The following SPTLC2 variants were observed in gnomAD, a reference collection of about 807,000 sequenced individuals.
SPTLC2 encodes the protein serine palmitoyltransferase 2.
SPTLC2 carries 21 observed loss-of-function variants against 62.0 expected under a neutral mutation model. The ratio of observed to expected loss-of-function variants is 0.34; its 90% CI spans 0.24 to 0.49. The LOEUF (loss-of-function observed/expected upper bound fraction) is 0.49. Ranked by LOEUF, SPTLC2 falls within the 20% of genes least tolerant of loss-of-function variation. SPTLC2 has a pLI of 0.99. For missense variants in SPTLC2, 511 were observed against 713.0 expected (o/e 0.72, Z 3.23); for synonymous variants, 261 against 261.8 (o/e 1.00, Z 0.03).
intron 9 of SPTLC2, among the ~76,000 whole-genome samples, chr14:77,539,027 ACTAC>A (rs2079485541): frequency 1.3e-5 from 2 of 152,034 alleles, no homozygotes; most frequent in South Asian, 4.1e-4. Context: ...GATGATGATA[ACTAC>A]CTACTAGATA....
At position 77,616,511 on chromosome 14, in the gene SPTLC2, C is replaced by T; in HGVS notation, c.69G>A (p.Gly23=). Residue 23 remains glycine (G), a synonymous_variant, in exon 1 of 12, where the codon GGG becomes GGA. Coordinates refer to ENST00000216484, the MANE Select transcript of SPTLC2 (RefSeq NM_004863.4). ...TCCTCACGTACCCGTTCCGTACTTC[C>T]CCGTTCGCCACGCAGCCATTCGCCC... ...TVRANGCVAN[G]EVRNGYVRSS... is the part of the protein sequence containing the mutation. 6.5e-7 allele frequency: 1 copy of T among 1,534,584 alleles called. No individual in the cohort carries two copies. Among genetic ancestry groups the T allele is most frequent in the South Asian group, 1.2e-5 (1 of 84,008 alleles).
At chr14:77,558,077 T>TC (rs1350015139) in intron 6 of SPTLC2, among the ~76,000 whole-genome samples, 1 of 150,702 alleles carries the variant, frequency 6.6e-6, no homozygotes, top group Non-Finnish European at 1.5e-5. Flanking sequence ...AGATGGAGTC[T>TC]CCCTCTGTCA....
At chr14:77,543,394 C>A (rs933964167) in intron 9 of SPTLC2, among the ~76,000 whole-genome samples, 1 of 152,066 alleles carries the variant, frequency 6.6e-6, no homozygotes, top group African/African-American at 2.4e-5. Context: ...AGATAAGGAA[C>A]GTAAACACTG....
At chr14:77,530,316 TAA>T (rs34614752) in intron 9 of SPTLC2, among the ~76,000 whole-genome samples, 15 of 148,738 alleles carry the variant, frequency 1.0e-4, no homozygotes, top group South Asian at 6.3e-4. Flanking sequence ...GGATCTTTTT[TAA>T]AAAAAAAAAA....
intron 4 of SPTLC2, among the ~76,000 whole-genome samples, chr14:77,571,213 A>G (rs1169048465): frequency 1.3e-5 from 2 of 152,234 alleles, no homozygotes; most frequent in Non-Finnish European, 2.9e-5. Context: ...AAAGATAGGT[A>G]AAAACGTTTC....
At chr14:77,515,616 C>G (rs1235083287) in intron 11 of SPTLC2, among the ~76,000 whole-genome samples, 1 of 142,458 alleles carries the variant, frequency 7.0e-6, no homozygotes, top group Admixed American at 7.4e-5. Flanking sequence ...GTGGTGCGAT[C>G]TCAGCTCACT....
intron 8 of SPTLC2, among the ~76,000 whole-genome samples, chr14:77,552,575 G>A (rs138481595): frequency 1.3e-5 from 2 of 152,260 alleles, no homozygotes; most frequent in Non-Finnish European, 2.9e-5. Flanking sequence ...GGAGGCCAAG[G>A]TGGGTGGATC....
In SPTLC2 at chr14:77,521,597, G is replaced by A; in HGVS notation, c.1304-16C>T. 1 of 1,612,690 alleles carries A rather than the reference G, an allele frequency of 6.2e-7. No individual in the cohort carries two copies. The highest frequency in any genetic ancestry group is 1.1e-5 in the South Asian group (1 of 91,052). On this transcript the variant is annotated splice_polypyrimidine_tract_variant and intron_variant, in intron 9 of 11. Transcript: ENST00000216484. ...CACTCTTTACCTGGAAAGTCACGGT[G>A]AGAGAAAACAAAATAATCCTAAGTA...
At chr14:77,523,067 C>T (rs190150697) in intron 9 of SPTLC2, among the ~76,000 whole-genome samples, 10 of 152,254 alleles carry the variant, frequency 6.6e-5, no homozygotes, top group South Asian at 4.1e-4. Context: ...TTTATGTCAT[C>T]GCTTAAGTTA....
intron 4 of SPTLC2, 80 bp from the exon 5 acceptor site, chr14:77,570,588 T>C (rs1419402552): frequency 5.1e-6 from 8 of 1,570,822 alleles, no homozygotes; most frequent in African/African-American, 2.7e-5. Context: ...AAAGAAATCA[T>C]AGTATATGTG....
intron 9 of SPTLC2, among the ~76,000 whole-genome samples, chr14:77,548,108 C>T (rs1343503184): frequency 6.6e-6 from 1 of 151,970 alleles, no homozygotes; most frequent in Admixed American, 6.6e-5. Flanking sequence ...CAAAGAAGTA[C>T]AAAACTCTAT....
chr14:77,527,352 GC>G (rs2139998472), intron 9 of SPTLC2, among the ~76,000 whole-genome samples: 1 of 152,164 alleles, frequency 6.6e-6, no homozygotes, highest in South Asian at 2.1e-4. Flanking sequence ...ATCGCACCAG[GC>G]CTAGATTTAG....
intron 7 of SPTLC2, among the ~76,000 whole-genome samples, chr14:77,555,872 G>A (rs1230087779): frequency 2.0e-5 from 3 of 152,034 alleles, no homozygotes; most frequent in African/African-American, 7.2e-5. Flanking sequence ...ACCCGCCTTG[G>A]CCTCCCACAG....
chr14:77,540,756 G>A (rs1028334808), intron 9 of SPTLC2, among the ~76,000 whole-genome samples: 7 of 152,300 alleles, frequency 4.6e-5, no homozygotes, highest in Middle Eastern at 3.4e-3. Flanking sequence ...TTACAGGCGT[G>A]AGCCACCGCA....
rs963292081 is a variant in SPTLC2 at position 77,560,266 on chromosome 14, C to T, written c.850+2130G>A. Among the ~76,000 whole-genome samples, 4 of 152,162 alleles carry T rather than the reference C, an allele frequency of 2.6e-5. No individual in the cohort carries two copies. In the South Asian group the frequency reaches 8.3e-4, roughly 32 times the overall value. On this transcript the variant is annotated intron_variant, in intron 6 of 11. Coordinates refer to ENST00000216484, the MANE Select transcript of SPTLC2 (RefSeq NM_004863.4). Reference sequence around the variant, plus strand: ...ACAACAGCAAAGACATAGGATCAATCTAAATGTCCATCAACAGTAGACTGG... The same window carrying T: ...ACAACAGCAAAGACATAGGATCAATTTAAATGTCCATCAACAGTAGACTGG...
Position 77,557,176 on chromosome 14 carries a change from C to T in SPTLC2, c.851-30G>A, listed in dbSNP as rs2272587. On this transcript the variant is annotated intron_variant, in intron 6 of 11. Coordinates refer to ENST00000216484, the MANE Select transcript of SPTLC2 (RefSeq NM_004863.4). ...AGAGCACAAAAAAGAACAGTTATAC[C>T]GCATCTTCCTCTTTCCTAACTTTAT... 2.6e-5 allele frequency: 40 copies of T among 1,553,306 alleles called. 1 individual carries two copies. The highest frequency in any genetic ancestry group is 2.4e-4 in the South Asian group (22 of 89,910).
chr14:77,531,037 C>G (rs1444130867), intron 9 of SPTLC2, among the ~76,000 whole-genome samples: 1 of 152,140 alleles, frequency 6.6e-6, no homozygotes, highest in Non-Finnish European at 1.5e-5. Context: ...ATGCAGAATC[C>G]CAGGGAAAGA....
At chr14:77,530,478 G>A (rs892687794) in intron 9 of SPTLC2, among the ~76,000 whole-genome samples, 2 of 151,952 alleles carry the variant, frequency 1.3e-5, no homozygotes, top group Non-Finnish European at 2.9e-5. Flanking sequence ...ACAGGTGCCC[G>A]CCACCAGACT....
chr14:77,522,664 TG>T (rs1184874503), intron 9 of SPTLC2, among the ~76,000 whole-genome samples: 2 of 152,190 alleles, frequency 1.3e-5, no homozygotes, highest in African/African-American at 4.8e-5. Flanking sequence ...TCCAAACAAC[TG>T]TTCTGTTATA....
Sources: gnomAD v4.1 joint callset for allele counts (sites outside exome capture counted in the v4.1 genomes callset) on GRCh38, gnomAD v4.1.1 for gene constraint, MANE v1.5 for transcripts, NCBI Gene and HGNC (gene_info 2026-07-23, HGNC 2026-07-21) for gene names.